ASCC3: variants seen among roughly 807,000 people sequenced by gnomAD.
ASCC3 encodes ASC-1 complex subunit P200.
Under a neutral mutation model 256.3 loss-of-function variants are expected in ASCC3, and 158 were observed. That is an observed-to-expected ratio of 0.62 (90% CI 0.54 to 0.70). The LOEUF (loss-of-function observed/expected upper bound fraction) is 0.70. Ranked by LOEUF, ASCC3 falls within the 30% of genes least tolerant of loss-of-function variation. The pLI is 0.00. For synonymous variants in ASCC3, 948 were observed against 883.4 expected, an observed-to-expected ratio of 1.07 and a Z score of -1.30; for missense variants, 2,259 against 2,626.0, an observed-to-expected ratio of 0.86 and a Z score of 3.05.
chr6:100,640,729 C>T (rs1775082073), intron 24 of ASCC3, among the ~76,000 whole-genome samples: 1 of 152,078 alleles, frequency 6.6e-6, no homozygotes, highest in Non-Finnish European at 1.5e-5. Flanking sequence ...CATTATTTTT[C>T]TATGTTGACA....
intron 4 of ASCC3, among the ~76,000 whole-genome samples, chr6:100,841,658 C>T (rs545872930): frequency 6.1e-5 from 9 of 147,026 alleles, no homozygotes; most frequent in South Asian, 2.2e-4. Context: ...TTAATGTCAA[C>T]ATAAAAGAAA....
At chr6:100,861,336 T>C (rs1225256101) in intron 3 of ASCC3, among the ~76,000 whole-genome samples, 1 of 152,146 alleles carries the variant, frequency 6.6e-6, no homozygotes, top group African/African-American at 2.4e-5. Context: ...TTAATGTCAA[T>C]TGTCCAGATT....
chr6:100,737,834 C>T (rs191584748), intron 10 of ASCC3, among the ~76,000 whole-genome samples: 72 of 152,332 alleles, frequency 4.7e-4, no homozygotes, highest in African/African-American at 1.4e-3. Context: ...AACTAATTTA[C>T]ACTTCCACCA....
At chr6:100,828,965 G>T (rs1771476285) in intron 4 of ASCC3, among the ~76,000 whole-genome samples, 1 of 152,104 alleles carries the variant, frequency 6.6e-6, no homozygotes, top group African/African-American at 2.4e-5. Flanking sequence ...ACAGGGTGCT[G>T]ATTGGTGCGT....
intron 36 of ASCC3, among the ~76,000 whole-genome samples, chr6:100,585,500 T>G (rs922517237): frequency 6.6e-6 from 1 of 152,160 alleles, no homozygotes. Flanking sequence ...TTTCAAAGTT[T>G]TCAGTTTCTT....
At chr6:100,587,726 G>T (rs551160227) in intron 36 of ASCC3, among the ~76,000 whole-genome samples, 1 of 152,110 alleles carries the variant, frequency 6.6e-6, no homozygotes, top group East Asian at 1.9e-4. Flanking sequence ...TTATTAACTG[G>T]AGAACTGACT....
chr6:100,848,467 AC>A lies in ASCC3; in HGVS notation c.481del (p.Val161PhefsTer7). ...AAATGCTAAATTTTTACCAAAAAAA[AC>A]CCTATCGCCATGTTCTTTTTCTGTC... ...QMTEKEHGDR[V>X]FFGKNLAFSF... On this transcript the variant is annotated frameshift_variant, in exon 4 of 42. Coordinates refer to ENST00000369162, the MANE Select transcript of ASCC3 (RefSeq NM_006828.4). LOFTEE classifies it high-confidence loss of function. 1 of 1,611,374 alleles carries A rather than the reference AC, an allele frequency of 6.2e-7. No homozygotes were observed. Among genetic ancestry groups the A allele is most frequent in the Non-Finnish European group, 8.5e-7 (1 of 1,178,674 alleles).
At chr6:100,852,313 A>T (rs567708457) in intron 3 of ASCC3, among the ~76,000 whole-genome samples, 1 of 152,306 alleles carries the variant, frequency 6.6e-6, no homozygotes, top group East Asian at 1.9e-4. Context: ...TAGCCGGCTG[A>T]ACCACCACCC....
chr6:100,647,548 A>C, intron 20 of ASCC3, 97 bp from the exon 21 acceptor site: 1 of 1,045,204 alleles, frequency 9.6e-7, no homozygotes, highest in South Asian at 1.3e-5. Context: ...AAGAAGTGCA[A>C]GTCAAGCTGC....
chr6:100,871,257 G>A (rs531301443), intron 1 of ASCC3, among the ~76,000 whole-genome samples: 41 of 151,948 alleles, frequency 2.7e-4, no homozygotes, highest in African/African-American at 8.9e-4. Flanking sequence ...CACCACGCCC[G>A]GCTAATTTTG....
At chr6:100,606,369 T>C (rs1772888192) in intron 32 of ASCC3, among the ~76,000 whole-genome samples, 1 of 152,106 alleles carries the variant, frequency 6.6e-6, no homozygotes, top group African/African-American at 2.4e-5. Context: ...GGAGGTATCA[T>C]TTCTAGTGAA....
At chr6:100,726,750 T>A (rs1582766435) in intron 10 of ASCC3, among the ~76,000 whole-genome samples, 1 of 152,066 alleles carries the variant, frequency 6.6e-6, no homozygotes, top group Non-Finnish European at 1.5e-5. Flanking sequence ...GAAAATAAAG[T>A]GTCACATTTG....
chr6:100,871,407 C>T (rs1283066318), intron 1 of ASCC3, among the ~76,000 whole-genome samples: 1 of 151,044 alleles, frequency 6.6e-6, no homozygotes, highest in African/African-American at 2.4e-5. Flanking sequence ...GTCTTTTATT[C>T]TTAAATCACC....
rs764147526 is a variant in ASCC3, at chr6:100,601,865, C to T, written c.5248G>A (p.Ala1750Thr). Reference sequence around the variant, plus strand: ...TAAGTCCAGGTGATATAATCCAATGCATCTTGCTTAGATGTAATTGTACCA... The same window carrying T: ...TAAGTCCAGGTGATATAATCCAATGTATCTTGCTTAGATGTAATTGTACCA... Reference protein sequence around the residue: ...AGGTITSKQDALDYITWTYFF... With the variant: ...AGGTITSKQDTLDYITWTYFF... The change falls in exon 34 of 42, where the codon GCA becomes ACA. Residue 1750 changes from alanine (A) to threonine (T), a missense_variant. This residue lies in a region of ASCC3 where 1,839 missense variants were observed against 2,206.7 expected (regional missense o/e 0.83). Coordinates refer to ENST00000369162, the MANE Select transcript of ASCC3 (RefSeq NM_006828.4). 7 of 1,612,532 alleles carry T rather than the reference C, an allele frequency of 4.3e-6. No homozygotes were observed. The highest frequency in any genetic ancestry group is 1.1e-5 in the South Asian group (1 of 91,044).
chr6:100,590,598 T>C (rs1771954998), intron 34 of ASCC3, among the ~76,000 whole-genome samples: 1 of 152,016 alleles, frequency 6.6e-6, no homozygotes, highest in South Asian at 2.1e-4. Flanking sequence ...ACCTCCCTTT[T>C]CCCCATCCAC....
intron 4 of ASCC3, among the ~76,000 whole-genome samples, chr6:100,842,232 A>C (rs1191381926): frequency 6.6e-6 from 1 of 152,204 alleles, no homozygotes; most frequent in Non-Finnish European, 1.5e-5. Context: ...ATCTTTCAGT[A>C]CAGCAACATT....
rs556920880 is a variant in ASCC3 at position 100,777,733 on chromosome 6, G to C, written c.1396-10388C>G. On this transcript the variant is annotated intron_variant, in intron 8 of 41. Coordinates refer to ENST00000369162, the MANE Select transcript of ASCC3 (RefSeq NM_006828.4). ...CACTAAATCAGGACTAAGTTGAAATGTTGAAGGAACTGTACAGAGATTAGA... is the reference window on the plus strand; with the variant it reads ...CACTAAATCAGGACTAAGTTGAAATCTTGAAGGAACTGTACAGAGATTAGA... Among the ~76,000 whole-genome samples the C allele has an allele frequency of 6.6e-5, 10 of 152,254 alleles. 1 individual carries two copies. In the East Asian group the frequency reaches 1.4e-3, roughly 21 times the overall value.
chr6:100,523,900 TATATA>T (rs1174002998), intron 37 of ASCC3, among the ~76,000 whole-genome samples: 2 of 152,160 alleles, frequency 1.3e-5, no homozygotes, highest in Non-Finnish European at 2.9e-5. Flanking sequence ...AACAGTGAAT[TATATA>T]AAGTCAGACA....
intron 3 of ASCC3, among the ~76,000 whole-genome samples, chr6:100,854,947 A>T (rs6908709): frequency 0.27 from 41,245 of 151,948 alleles, 6,051 homozygotes; most frequent in East Asian, 0.52. Flanking sequence ...TTGCATCCAT[A>T]TATCAGATGC....
Sources: allele counts gnomAD v4.1 joint callset (sites outside exome capture counted in the v4.1 genomes callset), GRCh38; gene constraint gnomAD v4.1.1; regional missense constraint gnomAD v4.1.1; transcripts MANE v1.5; gene names NCBI Gene and HGNC (gene_info 2026-07-23, HGNC 2026-07-21).